SAMD12: variants seen among roughly 807,000 people sequenced by gnomAD.
SAMD12 encodes the protein sterile alpha motif domain-containing protein 12.
Under a neutral mutation model 15.0 loss-of-function variants are expected in SAMD12, and 9 were observed. The observed-to-expected ratio is 0.60, with a 90% CI of 0.36 to 1.05. The LOEUF (loss-of-function observed/expected upper bound fraction) is 1.05. Ranked by LOEUF, SAMD12 falls within the 50% of genes least tolerant of loss-of-function variation. SAMD12 has a pLI of 0.01. For missense variants in SAMD12, 230 were observed against 234.2 expected (o/e 0.98, Z 0.12); for synonymous variants, 86 against 90.1 (o/e 0.96, Z 0.25).
intron 2 of SAMD12, among the ~76,000 whole-genome samples, chr8:118,519,131 A>G (rs1825323034): frequency 6.6e-6 from 1 of 152,214 alleles, no homozygotes; most frequent in South Asian, 2.1e-4. Flanking sequence ...AGAGAAACTC[A>G]ACTGAGAGGT....
At chr8:118,254,712 T>A (rs1812893685) in intron 4 of SAMD12, among the ~76,000 whole-genome samples, 1 of 152,060 alleles carries the variant, frequency 6.6e-6, no homozygotes, top group South Asian at 2.1e-4. Flanking sequence ...TGCACGGCTG[T>A]GCTGTTCCTT....
At chr8:118,601,502 C>G (rs1827866000) in intron 1 of SAMD12, among the ~76,000 whole-genome samples, 2 of 152,162 alleles carry the variant, frequency 1.3e-5, no homozygotes, top group African/African-American at 4.8e-5. Flanking sequence ...TCCCTTTTAT[C>G]CCACTCACTG....
chr8:118,242,615 T>C (rs1407507467), intron 4 of SAMD12, among the ~76,000 whole-genome samples: 2 of 152,112 alleles, frequency 1.3e-5, no homozygotes, highest in Non-Finnish European at 2.9e-5. Context: ...ATATTCTCTG[T>C]GGTTTCAGGC....
exon 5 of SAMD12, chr8:118,191,815 G>T (rs79439321): frequency 5.0e-4 from 37 of 74,200 alleles, no homozygotes; most frequent in Non-Finnish European, 7.5e-4. Flanking sequence ...TATATATAGA[G>T]AGAGAGAGAG....
intron 2 of SAMD12, among the ~76,000 whole-genome samples, chr8:118,462,926 C>T (rs531530960): frequency 2.6e-5 from 4 of 151,756 alleles, no homozygotes; most frequent in African/African-American, 9.7e-5. Context: ...CACGGTGAAA[C>T]CCCGTCTCTA....
the SAMD12 span, among the ~76,000 whole-genome samples, chr8:118,173,413 C>T: frequency 6.6e-6 from 1 of 151,962 alleles, no homozygotes; most frequent in Non-Finnish European, 1.5e-5. Context: ...AAAATTGGTG[C>T]CCCTGGAACC....
At chr8:118,530,927 G>C (rs910661888) in intron 2 of SAMD12, among the ~76,000 whole-genome samples, 1 of 152,146 alleles carries the variant, frequency 6.6e-6, no homozygotes, top group Non-Finnish European at 1.5e-5. Flanking sequence ...CAGCATTCTT[G>C]AACTCCTGGG....
intron 3 of SAMD12, among the ~76,000 whole-genome samples, 193 bp downstream of exon 3, chr8:118,439,639 T>C (rs1822673147): frequency 6.6e-6 from 1 of 152,156 alleles, no homozygotes; most frequent in African/African-American, 2.4e-5. Flanking sequence ...AATCCACAGT[T>C]TTCTATAATA....
chr8:118,225,460 T>G (rs984666283), intron 4 of SAMD12, among the ~76,000 whole-genome samples: 5 of 152,292 alleles, frequency 3.3e-5, no homozygotes, highest in African/African-American at 7.2e-5. Context: ...TTTTGGAGGC[T>G]GGCTCCTAGA....
chr8:118,272,928 C>T (rs1305154174), intron 4 of SAMD12, among the ~76,000 whole-genome samples: 1 of 152,222 alleles, frequency 6.6e-6, no homozygotes, highest in Non-Finnish European at 1.5e-5. Flanking sequence ...CAAATGTTCA[C>T]ACATTTTCCT....
At chr8:118,571,275 G>A (rs888934085) in intron 2 of SAMD12, among the ~76,000 whole-genome samples, 5 of 152,184 alleles carry the variant, frequency 3.3e-5, no homozygotes, top group African/African-American at 1.2e-4. Context: ...ATGTGGGAAA[G>A]TTTGCAACTC....
At chr8:118,235,246 C>G (rs2129941360) in intron 4 of SAMD12, among the ~76,000 whole-genome samples, 2 of 150,942 alleles carry the variant, frequency 1.3e-5, no homozygotes, top group South Asian at 4.2e-4. Context: ...GAGTCTTGCT[C>G]TGTCGCCAGG....
chr8:118,492,586 G>C (rs1824483240), intron 2 of SAMD12, among the ~76,000 whole-genome samples: 1 of 152,090 alleles, frequency 6.6e-6, no homozygotes, highest in East Asian at 1.9e-4. Context: ...TCTACTCATA[G>C]ATGACTAATA....
intron 2 of SAMD12, among the ~76,000 whole-genome samples, chr8:118,499,335 G>A (rs1211012350): frequency 6.6e-6 from 1 of 152,142 alleles, no homozygotes; most frequent in Non-Finnish European, 1.5e-5. Context: ...GGGAGAGAAG[G>A]AGCAAATATT....
intron 4 of SAMD12, chr8:118,284,165 G>A (rs371041820): frequency 2.4e-6 from 1 of 411,254 alleles, no homozygotes; most frequent in Non-Finnish European, 4.8e-6. Flanking sequence ...TGATAACCCC[G>A]ATGGCCACTT....
chr8:118,166,720 A>G, the SAMD12 span, among the ~76,000 whole-genome samples: 1 of 152,226 alleles, frequency 6.6e-6, no homozygotes, highest in East Asian at 1.9e-4. Flanking sequence ...GTGTTTAAAA[A>G]GTGTGCACAC....
rs368468496 is a variant in SAMD12, at chr8:118,292,704, C to T, written c.433+86856G>A. On this transcript the variant is annotated intron_variant, in intron 4 of 4. Transcript: ENST00000409003. ...AAGAAAATGTGGCACATATACACCA[C>T]GGAATACTATGCAGCCATAAAAAAT... 7.6e-3 allele frequency among the ~76,000 whole-genome samples: 1,160 copies of T among 151,818 alleles called. 40 individuals carry two copies. The highest frequency in any genetic ancestry group is 0.054 in the Admixed American group (814 of 15,198).
chr8:118,244,528 G>T (rs1208210504), intron 4 of SAMD12, among the ~76,000 whole-genome samples: 1 of 152,022 alleles, frequency 6.6e-6, no homozygotes, highest in Non-Finnish European at 1.5e-5. Flanking sequence ...CCTTTCCATG[G>T]TGTGGCCCTT....
the SAMD12 span, among the ~76,000 whole-genome samples, chr8:118,132,992 A>G: frequency 7.2e-3 from 585 of 80,942 alleles, 14 homozygotes; most frequent in African/African-American, 8.8e-3. Context: ...ATATATATAT[A>G]TATATATATA....
Sources: gnomAD v4.1 joint callset for allele counts (sites outside exome capture counted in the v4.1 genomes callset) on GRCh38, gnomAD v4.1.1 for gene constraint, MANE v1.5 for transcripts, NCBI Gene and HGNC (gene_info 2026-07-23, HGNC 2026-07-21) for gene names.